The following ARL5B variants were observed in gnomAD, a reference collection of about 807,000 sequenced individuals.
ARL5B encodes ADP-ribosylation factor-like protein 5B.
Under a neutral mutation model 26.9 loss-of-function variants are expected in ARL5B, and 10 were observed. The ratio of observed to expected loss-of-function variants is 0.37; its 90% confidence interval spans 0.23 to 0.63. The LOEUF (loss-of-function observed/expected upper bound fraction) is 0.63. Ranked by LOEUF, ARL5B falls within the 30% of genes least tolerant of loss-of-function variation. The pLI is 0.62. For missense variants in ARL5B, 167 were observed against 213.9 expected, an observed-to-expected ratio of 0.78 and a Z score of 1.37; for synonymous variants, 87 against 70.4, an observed-to-expected ratio of 1.24 and a Z score of -1.18.
At position 18,679,145 on chromosome 10, in the gene ARL5B, A is replaced by G. The variant is rs933890290; in HGVS notation, c.*3929A>G. ...CTGCTATTCAACTTAAATTCAGCGA[A>G]TTAATAGCTGAATAGAAATAGCTAA... On this transcript the variant is annotated 3_prime_UTR_variant, in exon 6 of 6. Coordinates refer to ENST00000377275, the MANE Select transcript of ARL5B (RefSeq NM_178815.5). 1 of 151,966 alleles carries G rather than the reference A, an allele frequency of 6.6e-6. No homozygotes were observed. The highest frequency in any genetic ancestry group is 6.6e-5 in the Admixed American group (1 of 15,244). The allele number at this position is 151,966 out of a possible 1,614,324, so 9.4% of individuals were successfully genotyped here. A position where few individuals can be genotyped will look rare whatever the true frequency, so the allele number is the denominator to read the frequency against.
intron 1 of ARL5B, among the ~76,000 whole-genome samples, chr10:18,662,706 GT>G (rs567866255): frequency 5.2e-4 from 70 of 135,826 alleles, no homozygotes; most frequent in Admixed American, 6.7e-4. Context: ...TTGTTTGTTT[GT>G]TTTTTTTTTT....
At chr10:18,664,261 T>G (rs1269361632) in intron 1 of ARL5B, among the ~76,000 whole-genome samples, 1 of 151,818 alleles carries the variant, frequency 6.6e-6, no homozygotes, top group Admixed American at 6.6e-5. Context: ...CTGGCTAACT[T>G]TTTTCTTAAG....
intron 1 of ARL5B, chr10:18,659,955 C>G (rs2059821216): frequency 2.0e-6 from 2 of 984,554 alleles, no homozygotes; most frequent in South Asian, 9.4e-5. Context: ...AAGCGGGATA[C>G]AGCTAATGAT....
chr10:18,670,605 T>G (rs920402963), intron 3 of ARL5B, among the ~76,000 whole-genome samples: 1 of 151,864 alleles, frequency 6.6e-6, no homozygotes, highest in Non-Finnish European at 1.5e-5. Context: ...AGTCTCGCTC[T>G]CTCTCAAAAA....
At chr10:18,673,721 A>C (rs532665745) in intron 4 of ARL5B, among the ~76,000 whole-genome samples, 3 of 152,158 alleles carry the variant, frequency 2.0e-5, no homozygotes, top group African/African-American at 7.2e-5. Flanking sequence ...TTAGAATATT[A>C]ATTATGTATT....
chr10:18,680,472 G>GT lies in ARL5B; in HGVS notation c.*5258dup, dbSNP rs1296305572. On this transcript the variant is annotated 3_prime_UTR_variant, in exon 6 of 6. Coordinates refer to ENST00000377275, the MANE Select transcript of ARL5B (RefSeq NM_178815.5). ...ATACTGTGAATATATTTCCATCAGT[G>GT]TTGGTAAGATATCAAATGACTATCA... 3.3e-5 allele frequency: 5 copies of GT among 152,052 alleles called. No homozygotes were observed. The highest frequency in any genetic ancestry group is 7.4e-5 in the Non-Finnish European group (5 of 67,948). 9.4% of individuals were successfully genotyped at this position (152,052 alleles called of 1,614,324 possible).
chr10:18,667,834 C>T (rs2059868484), intron 2 of ARL5B, among the ~76,000 whole-genome samples: 1 of 152,074 alleles, frequency 6.6e-6, no homozygotes. Flanking sequence ...CCTGCCTCAG[C>T]TTCCAGAGTA....
intron 3 of ARL5B, among the ~76,000 whole-genome samples, chr10:18,669,037 G>A (rs2059875066): frequency 6.6e-6 from 1 of 152,056 alleles, no homozygotes; most frequent in African/African-American, 2.4e-5. Flanking sequence ...CCAAAGTGCT[G>A]GGATTACAGG....
chr10:18,667,671 G>A (rs772431182), intron 2 of ARL5B, among the ~76,000 whole-genome samples: 5 of 151,884 alleles, frequency 3.3e-5, no homozygotes, highest in Non-Finnish European at 1.5e-5. Flanking sequence ...ATGATAATAC[G>A]AGGGGTATGA....
chr10:18,674,271 T>G, intron 5 of ARL5B, 136 bp downstream of exon 5: 1 of 730,432 alleles, frequency 1.4e-6, no homozygotes, highest in Non-Finnish European at 2.0e-6. Flanking sequence ...TTATAATGTG[T>G]CTCAGGCTTA....
intron 1 of ARL5B, among the ~76,000 whole-genome samples, chr10:18,661,095 C>T (rs1055751960): frequency 2.0e-5 from 3 of 152,180 alleles, no homozygotes; most frequent in Admixed American, 1.3e-4. Flanking sequence ...GTGATCTACC[C>T]ACCTCGGCCT....
In ARL5B at chr10:18,675,302, G is replaced by C; in HGVS notation, c.*86G>C. ...CCTTTGGCTGCTAAGGCAGCAGCAT[G>C]TTTAATTTATAACAACACAAACCTC... On this transcript the variant is annotated 3_prime_UTR_variant, in exon 6 of 6. Coordinates refer to ENST00000377275, the MANE Select transcript of ARL5B (RefSeq NM_178815.5). The C allele has an allele frequency of 7.6e-7, 1 of 1,324,354 alleles. No homozygotes were observed. The highest frequency in any genetic ancestry group is 1.1e-6 in the Non-Finnish European group (1 of 920,806). 82.0% of individuals were successfully genotyped at this position (1,324,354 alleles called of 1,614,324 possible). A position where few individuals can be genotyped will look rare whatever the true frequency, so the allele number is the denominator to read the frequency against.
rs201475813 is a variant in ARL5B, at chr10:18,668,510, C to A, written c.108-20C>A. On this transcript the variant is annotated intron_variant, in intron 2 of 5. Transcript: ENST00000377275. Reference sequence around the variant, plus strand: ...TTCTCAAGATTTACAAGAGCTTTTACGGTGTCTGTTTTTCAACAGCTTAAT... The same window carrying A: ...TTCTCAAGATTTACAAGAGCTTTTAAGGTGTCTGTTTTTCAACAGCTTAAT... 1.1e-5 allele frequency: 18 copies of A among 1,611,730 alleles called. No homozygotes were observed. The Admixed American group carries it at 2.0e-4, about 18-fold the overall frequency.
At chr10:18,663,502 C>G (rs1235177730) in intron 1 of ARL5B, among the ~76,000 whole-genome samples, 1 of 150,508 alleles carries the variant, frequency 6.6e-6, no homozygotes, top group African/African-American at 2.4e-5. Flanking sequence ...CTGCTCAGAT[C>G]TCAGATCTTG....
intron 1 of ARL5B, among the ~76,000 whole-genome samples, chr10:18,666,153 G>C (rs899307181): frequency 2.0e-5 from 3 of 152,144 alleles, no homozygotes; most frequent in Non-Finnish European, 4.4e-5. Flanking sequence ...ACATAGGTGG[G>C]GAAACTTACA....
chr10:18,667,729 A>G (rs2059867976), intron 2 of ARL5B, among the ~76,000 whole-genome samples: 1 of 151,178 alleles, frequency 6.6e-6, no homozygotes, highest in East Asian at 1.9e-4. Context: ...ACACACACAA[A>G]CACACACACA....
At chr10:18,674,193 A>C in intron 5 of ARL5B, 58 bp downstream of exon 5, 1 of 1,512,104 alleles carries the variant, frequency 6.6e-7, no homozygotes, top group South Asian at 1.3e-5. Context: ...CCAACTTTTT[A>C]GGCCAACTTG....
chr10:18,667,972 A>C (rs2059869144), intron 2 of ARL5B, among the ~76,000 whole-genome samples: 1 of 152,088 alleles, frequency 6.6e-6, no homozygotes, highest in African/African-American at 2.4e-5. Context: ...AAAGTGCTAG[A>C]ATTATAGGTG....
intron 4 of ARL5B, 64 bp from the exon 5 acceptor site, chr10:18,673,920 G>T (rs2059899062): frequency 6.8e-7 from 1 of 1,479,346 alleles, no homozygotes; most frequent in African/African-American, 1.4e-5. Context: ...CATTATAACT[G>T]TTCAGCTGGG....
Sources: gnomAD v4.1 joint callset for allele counts (sites outside exome capture counted in the v4.1 genomes callset) on GRCh38, gnomAD v4.1.1 for gene constraint, MANE v1.5 for transcripts, NCBI Gene and HGNC (gene_info 2026-07-23, HGNC 2026-07-21) for gene names.